RASSF3: variants seen among roughly 807,000 people sequenced by gnomAD.
RASSF3 encodes the protein Ras association domain family member 3.
Under a neutral mutation model 19.9 loss-of-function variants are expected in RASSF3, and 19 were observed. That is an observed-to-expected ratio of 0.96 (90% CI 0.67 to 1.40). RASSF3 has a LOEUF of 1.40. Ranked by LOEUF, RASSF3 falls within the 40% of genes most tolerant of loss-of-function variation. RASSF3 has a pLI of 0.00. For missense variants in RASSF3, 306 were observed against 289.8 expected (o/e 1.06, Z -0.41); for synonymous variants, 110 against 104.2 (o/e 1.06, Z -0.34).
At chr12:64,573,486 A>G (rs1312152939) in intron 2 of RASSF3, among the ~76,000 whole-genome samples, 1 of 152,232 alleles carries the variant, frequency 6.6e-6, no homozygotes, top group Non-Finnish European at 1.5e-5. Context: ...GCAAACTCAG[A>G]GGTAGTGTTG....
At chr12:64,638,888 C>G (rs1365145730) in intron 1 of RASSF3, among the ~76,000 whole-genome samples, 2 of 152,180 alleles carry the variant, frequency 1.3e-5, no homozygotes, top group African/African-American at 4.8e-5. Context: ...GCCCATTTTA[C>G]TGTTGATGGA....
chr12:64,606,695 A>G (rs1870199450), upstream of RASSF3, among the ~76,000 whole-genome samples: 1 of 152,086 alleles, frequency 6.6e-6, no homozygotes, highest in Non-Finnish European at 1.5e-5. Context: ...CGTGCCTGTA[A>G]TCCTAGCTAC....
At position 64,694,805 on chromosome 12, in the gene RASSF3, A is replaced by T. The variant is rs745397854; in HGVS notation, c.610A>T (p.Ile204Phe). 61 of 1,614,082 alleles carry T rather than the reference A, an allele frequency of 3.8e-5. No individual in the cohort carries two copies. Among genetic ancestry groups the T allele is most frequent in the Non-Finnish European group, 5.1e-5 (60 of 1,180,042 alleles). ...TCCAGAACTACAGAATTTCTTGCGC[A>T]TCTTGGACAAGGAAGAAGATGAACA... ...SLPELQNFLR[I>F]LDKEEDEQLQ... is the part of the protein sequence containing the mutation. The change falls in exon 5 of 5, where the codon ATC (isoleucine) becomes TTC (phenylalanine). Residue 204 changes from isoleucine (I) to phenylalanine (F), a missense_variant. Physicochemically the swap from Ile to Phe is conservative, Grantham distance 21. Coordinates refer to ENST00000542104, the MANE Select transcript of RASSF3 (RefSeq NM_178169.4).
chr12:64,520,555 CATATATATATATAT>C lies in RASSF3; in HGVS notation c.169+13253_169+13266del, dbSNP rs66975333. Among the ~76,000 whole-genome samples, 344 of 86,362 alleles carry C rather than the reference CATATATATATATAT, an allele frequency of 4.0e-3. 1 individual carries two copies. Among genetic ancestry groups the C allele is most frequent in the Admixed American group, 9.9e-3 (74 of 7,512 alleles). 56.7% of individuals were successfully genotyped at this position (86,362 alleles called of 152,430 possible). ...ACACACACAGATACACACATACACA[CATATATATATATAT>C]ATATATATATATATATATATATATA... On this transcript the variant is annotated intron_variant, in intron 1 of 5. Coordinates refer to the RASSF3 transcript ENST00000637125.
chr12:64,543,209 G>T (rs1204484243), downstream of RASSF3, among the ~76,000 whole-genome samples: 1 of 109,478 alleles, frequency 9.1e-6, no homozygotes, highest in African/African-American at 2.9e-5. Flanking sequence ...ACTTGGAGTG[G>T]CGGGCCCCGC....
chr12:64,542,118 T>G (rs544824673), downstream of RASSF3, among the ~76,000 whole-genome samples: 1 of 152,076 alleles, frequency 6.6e-6, no homozygotes, highest in South Asian at 2.1e-4. Flanking sequence ...CTGGGCAACA[T>G]GGTGAGACCC....
chr12:64,516,689 AAATT>A (rs1046217311), intron 1 of RASSF3, among the ~76,000 whole-genome samples: 64 of 151,312 alleles, frequency 4.2e-4, no homozygotes, highest in Non-Finnish European at 6.8e-4. Flanking sequence ...AAACTAAAAA[AAATT>A]AATTAACTGA....
At chr12:64,663,552 T>C (rs1795618) in intron 1 of RASSF3, among the ~76,000 whole-genome samples, 46,745 of 151,384 alleles carry the variant, frequency 0.31, 7,419 homozygotes, top group Non-Finnish European at 0.36. Flanking sequence ...GATGAAGTCT[T>C]GCTCTGTCAC....
At chr12:64,628,331 G>A (rs998968060) in intron 1 of RASSF3, 6 of 152,056 alleles carry the variant, frequency 3.9e-5, no homozygotes, top group Non-Finnish European at 5.9e-5. Flanking sequence ...GCAGTTCCAC[G>A]TTCCTCAAAA....
upstream of RASSF3, among the ~76,000 whole-genome samples, chr12:64,608,260 T>C (rs1408590005): frequency 6.6e-6 from 1 of 152,134 alleles, no homozygotes; most frequent in Non-Finnish European, 1.5e-5. Flanking sequence ...ATCCAGTCCT[T>C]TGGAGCTTAA....
intron 2 of RASSF3, among the ~76,000 whole-genome samples, chr12:64,585,844 G>A (rs956287699): frequency 2.0e-5 from 3 of 151,950 alleles, no homozygotes; most frequent in Non-Finnish European, 4.4e-5. Flanking sequence ...GGGCTCAAGC[G>A]ATCCTCCTGC....
chr12:64,646,427 C>T (rs888798046), intron 1 of RASSF3, among the ~76,000 whole-genome samples: 2 of 152,158 alleles, frequency 1.3e-5, no homozygotes, highest in African/African-American at 4.8e-5. Flanking sequence ...CCCTCACTTA[C>T]AGGAGAAAGG....
intron 1 of RASSF3, chr12:64,654,255 A>G (rs935835157): frequency 1.3e-5 from 2 of 152,104 alleles, no homozygotes; most frequent in African/African-American, 2.4e-5. Flanking sequence ...CCTAGGTTCA[A>G]GAGATTCTTC....
chr12:64,555,410 A>G (rs7136987), intron 2 of RASSF3, among the ~76,000 whole-genome samples: 71,208 of 151,914 alleles, frequency 0.47, 19,013 homozygotes, highest in Non-Finnish European at 0.6. Flanking sequence ...AGAAATGTAT[A>G]CCTCTTAAGA....
chr12:64,561,497 C>T (rs1214785239), intron 2 of RASSF3, among the ~76,000 whole-genome samples: 1 of 152,050 alleles, frequency 6.6e-6, no homozygotes, highest in Non-Finnish European at 1.5e-5. Flanking sequence ...CAAAATTGCT[C>T]CCCCACCACC....
upstream of RASSF3, among the ~76,000 whole-genome samples, chr12:64,532,952 A>G (rs1868744870): frequency 6.6e-6 from 1 of 152,216 alleles, no homozygotes; most frequent in South Asian, 2.1e-4. Flanking sequence ...GCTCACCTAA[A>G]GTGTCTGGGT....
intron 2 of RASSF3, among the ~76,000 whole-genome samples, chr12:64,559,880 A>G (rs1271694759): frequency 1.3e-5 from 2 of 152,232 alleles, no homozygotes; most frequent in Non-Finnish European, 2.9e-5. Context: ...CCTTTGATAT[A>G]TAATCTCTTT....
At position 64,581,775 on chromosome 12, in the gene RASSF3, C is replaced by T. The variant is rs111802799; in HGVS notation, c.294+40070C>T. Reference sequence around the variant, plus strand: ...CTTCTTTTTAAATCTGAAAACCTTTCAAAAGAGATTGACCTTTTTTTTTTG... The same window carrying T: ...CTTCTTTTTAAATCTGAAAACCTTTTAAAAGAGATTGACCTTTTTTTTTTG... On this transcript the variant is annotated intron_variant, in intron 2 of 5. Coordinates refer to the RASSF3 transcript ENST00000637125. Among the ~76,000 whole-genome samples the T allele has an allele frequency of 3.2e-3, 448 of 139,466 alleles. 5 individuals carry two copies. The highest frequency in any genetic ancestry group is 0.012 in the African/African-American group (415 of 33,792). 91.5% of individuals were successfully genotyped at this position (139,466 alleles called of 152,430 possible). A position where few individuals can be genotyped will look rare whatever the true frequency, so the allele number is the denominator to read the frequency against.
At chr12:64,617,389 C>T (rs1286476865) in intron 1 of RASSF3, among the ~76,000 whole-genome samples, 1 of 152,200 alleles carries the variant, frequency 6.6e-6, no homozygotes, top group Non-Finnish European at 1.5e-5. Flanking sequence ...GAACAATACA[C>T]AGTCCCTGGC....
Sources: allele counts gnomAD v4.1 joint callset (sites outside exome capture counted in the v4.1 genomes callset), GRCh38; gene constraint gnomAD v4.1.1; transcripts MANE v1.5; gene names NCBI Gene and HGNC (gene_info 2026-07-23, HGNC 2026-07-21).